ZNF276: variants seen among roughly 807,000 people sequenced by gnomAD.
ZNF276 encodes centromere protein Z.
A neutral mutation model predicts 63.9 loss-of-function variants in ZNF276; 59 were observed. The ratio of observed to expected loss-of-function variants is 0.92; its 90% confidence interval spans 0.75 to 1.15. ZNF276 has a LOEUF of 1.15. Among genes scored for constraint, ZNF276 ranks in the 50% most tolerant of loss-of-function variants. The pLI is 0.00. For synonymous variants in ZNF276, 496 were observed against 348.4 expected (o/e 1.42, Z -4.72); for missense variants, 1,084 against 843.8 (o/e 1.28, Z -3.53).
chr16:89,735,931 G>T (rs192820836), intron 9 of ZNF276, among the ~76,000 whole-genome samples: 4 of 147,150 alleles, frequency 2.7e-5, no homozygotes, highest in African/African-American at 7.5e-5. Context: ...TGCTCTTGTC[G>T]CCCAGGCTGG....
At chr16:89,724,371 C>T (rs1025379248) in intron 4 of ZNF276, among the ~76,000 whole-genome samples, 4 of 152,268 alleles carry the variant, frequency 2.6e-5, no homozygotes, top group African/African-American at 2.4e-5. Flanking sequence ...GGGGAGCTTC[C>T]GAAAAGCGTA....
chr16:89,720,962 G>C, upstream of ZNF276: 2 of 1,128,262 alleles, frequency 1.8e-6, no homozygotes, highest in Non-Finnish European at 2.2e-6. Context: ...CCCGAGCAGC[G>C]GACCGCAGGA....
At position 89,739,434 on chromosome 16, in the gene ZNF276, G is replaced by C. The variant is rs56010756; in HGVS notation, c.*1188G>C. The C allele has an allele frequency of 7.1e-5, 111 of 1,553,584 alleles. No homozygotes were observed. In the Middle Eastern group the frequency reaches 8.2e-4, roughly 11 times the overall value. ...CCCAGAGGTGCTGAGATGGGGGTCT[G>C]GGAAACACTGCCCAGCCCTGACCAG... On this transcript the variant is annotated 3_prime_UTR_variant, in exon 11 of 11. Transcript: ENST00000443381.
rs973223713 is a variant in ZNF276, at chr16:89,734,160, G to GTCTT, written c.1474+124_1474+127dup. 9.5e-6 allele frequency: 8 copies of GTCTT among 838,038 alleles called. 1 individual carries two copies. The highest frequency in any genetic ancestry group is 3.4e-5 in the African/African-American group (2 of 59,046). The allele number at this position is 838,038 out of a possible 1,614,324, so 51.9% of individuals were successfully genotyped here. On this transcript the variant is annotated intron_variant, in intron 9 of 10. Transcript: ENST00000443381. ...GGGGTGCGTGAAGGTGGCTCATGGG[G>GTCTT]TCTTTGGTACTCAGTCACGTTGGTA...
At chr16:89,733,618 A>C (rs1456600232) in intron 8 of ZNF276, 61 bp downstream of exon 8, 1 of 1,582,160 alleles carries the variant, frequency 6.3e-7, no homozygotes, top group Non-Finnish European at 8.7e-7. Context: ...TGGGGGAGGT[A>C]GCAGGTGTTT....
intron 5 of ZNF276, among the ~76,000 whole-genome samples, chr16:89,728,641 A>G (rs2151678305): frequency 6.6e-6 from 1 of 151,984 alleles, no homozygotes; most frequent in East Asian, 1.9e-4. Flanking sequence ...TGACCTCGTG[A>G]TCCGCCCGCC....
At chr16:89,733,592 G>A (rs777078951) in intron 8 of ZNF276, 35 bp downstream of exon 8, 32 of 1,609,644 alleles carry the variant, frequency 2.0e-5, no homozygotes, top group Non-Finnish European at 2.5e-5. Context: ...AGGCCCGGCA[G>A]CTGTCAGTGT....
chr16:89,728,524 C>T (rs9941108), intron 5 of ZNF276, among the ~76,000 whole-genome samples: 56,362 of 152,016 alleles, frequency 0.37, 11,389 homozygotes, highest in East Asian at 0.75. Flanking sequence ...CGGCCTCAGC[C>T]TCTGAGTCGC....
upstream of ZNF276, chr16:89,721,459 C>T (rs569526061): frequency 7.1e-4 from 374 of 529,340 alleles, 2 homozygotes; most frequent in African/African-American, 6.2e-3. Context: ...CGGGTGGAAC[C>T]TCGGCCGGCG....
At chr16:89,720,776 C>T, upstream of ZNF276, 1 of 1,454,920 alleles carries the variant, frequency 6.9e-7, no homozygotes, top group Non-Finnish European at 9.1e-7. Flanking sequence ...GGGCCGGTTG[C>T]CGGTGTCCAG....
At chr16:89,720,883 C>T, upstream of ZNF276, 3 of 1,338,376 alleles carry the variant, frequency 2.2e-6, no homozygotes, top group Non-Finnish European at 1.9e-6. Context: ...GGGGAGGCGG[C>T]GGCGGTAGCC....
In ZNF276 at chr16:89,727,264, T is replaced by C. The variant is rs1305871183; in HGVS notation, c.1007-15T>C. The C allele has an allele frequency of 6.2e-7, 1 of 1,613,862 alleles. No individual in the cohort carries two copies. The highest frequency in any genetic ancestry group is 8.5e-7 in the Non-Finnish European group (1 of 1,179,770). ...CTCCGTGTTGGTAACAGGAGCCTTG[T>C]TCTTTGTTTCTCAGGGCAGTTGGGT... On this transcript the variant is annotated splice_polypyrimidine_tract_variant and intron_variant, in intron 4 of 10. Transcript: ENST00000443381.
At position 89,734,953 on chromosome 16, in the gene ZNF276, G is replaced by A. The variant is rs186652817; in HGVS notation, c.1474+915G>A. On this transcript the variant is annotated intron_variant, in intron 9 of 10. Coordinates refer to ENST00000443381, the MANE Select transcript of ZNF276 (RefSeq NM_001113525.2). ...GTGGGTGGATCACCTGAGGTCAGCA[G>A]TTCAAGACCAGCCTGGCCAACATGG... 1.1e-4 allele frequency among the ~76,000 whole-genome samples: 16 copies of A among 152,292 alleles called. No individual in the cohort carries two copies. The East Asian group carries it at 3.1e-3, about 29-fold the overall frequency.
At chr16:89,723,833 C>T in intron 4 of ZNF276, 124 bp downstream of exon 4, 4 of 1,109,644 alleles carry the variant, frequency 3.6e-6, no homozygotes, top group Non-Finnish European at 5.0e-6. Flanking sequence ...TGAGAAGGAG[C>T]AGAGCTTGGG....
upstream of ZNF276, chr16:89,720,838 G>T (rs554581271): frequency 2.1e-6 from 3 of 1,426,818 alleles, no homozygotes; most frequent in South Asian, 1.4e-5. Flanking sequence ...GCTTCACCGT[G>T]CCGTCCCCGG....
chr16:89,733,655 A>T, intron 8 of ZNF276, 98 bp downstream of exon 8: 1 of 1,404,698 alleles, frequency 7.1e-7, no homozygotes, highest in Non-Finnish European at 1.0e-6. Context: ...ACTTGCGCCC[A>T]AGGACACTTT....
intron 9 of ZNF276, 100 bp downstream of exon 9, chr16:89,734,138 G>A (rs2061770749): frequency 2.7e-6 from 3 of 1,104,270 alleles, no homozygotes; most frequent in South Asian, 1.4e-5. Context: ...AGAGTTGGGG[G>A]TGCGTGAAGG....
Position 89,739,844 on chromosome 16 carries a change from A to G in ZNF276, c.*1598A>G. ...CCAGTAAATTATCTTATTGCTTTAA[A>G]CAAGTTTGTGCTTAATCTGTCCCAA... On this transcript the variant is annotated 3_prime_UTR_variant, in exon 11 of 11. Coordinates refer to ENST00000443381, the MANE Select transcript of ZNF276 (RefSeq NM_001113525.2). The G allele has an allele frequency of 6.6e-7, 1 of 1,505,804 alleles. No individual in the cohort carries two copies. Among genetic ancestry groups the G allele is most frequent in the Non-Finnish European group, 8.8e-7 (1 of 1,130,480 alleles). The allele number at this position is 1,505,804 out of a possible 1,614,324, so 93.3% of individuals were successfully genotyped here. A position where few individuals can be genotyped will look rare whatever the true frequency, so the allele number is the denominator to read the frequency against.
At position 89,733,239 on chromosome 16, in the gene ZNF276, GAC is replaced by G. The variant is rs1039946305; in HGVS notation, c.1170-61_1170-60del. On this transcript the variant is annotated intron_variant, in intron 6 of 10. Coordinates refer to ENST00000443381, the MANE Select transcript of ZNF276 (RefSeq NM_001113525.2). ...AAAAGACCATTTCTCAGGTTGGAGA[GAC>G]AAAAAACATTTTGCAAATGGAGATC... 1.9e-5 allele frequency: 28 copies of G among 1,466,160 alleles called. No homozygotes were observed. The African/African-American group carries it at 3.5e-4, about 19-fold the overall frequency. 90.8% of individuals were successfully genotyped at this position (1,466,160 alleles called of 1,614,324 possible). A position where few individuals can be genotyped will look rare whatever the true frequency, so the allele number is the denominator to read the frequency against.
Sources: gnomAD v4.1 joint callset for allele counts (sites outside exome capture counted in the v4.1 genomes callset) on GRCh38, gnomAD v4.1.1 for gene constraint, MANE v1.5 for transcripts, NCBI Gene and HGNC (gene_info 2026-07-23, HGNC 2026-07-21) for gene names.